PTBP2: variants seen among roughly 807,000 people sequenced by gnomAD.
PTBP2 encodes polypyrimidine tract binding protein 2.
In PTBP2, 13 loss-of-function variants were observed where a neutral mutation model predicts 61.4. That is an observed-to-expected ratio of 0.21 (90% CI 0.14 to 0.34). The LOEUF (loss-of-function observed/expected upper bound fraction) is 0.34. PTBP2 is among the 10% of genes least tolerant of loss of function. PTBP2 has a pLI of 1.00. For missense variants in PTBP2, 405 were observed against 642.6 expected, an observed-to-expected ratio of 0.63 and a Z score of 4.00; for synonymous variants, 215 against 218.5, an observed-to-expected ratio of 0.98 and a Z score of 0.14.
intron 8 of PTBP2, among the ~76,000 whole-genome samples, chr1:96,789,714 A>T (rs760180304): frequency 1.1e-4 from 17 of 152,054 alleles, no homozygotes; most frequent in Non-Finnish European, 2.1e-4. Context: ...GATTTCAGCT[A>T]TTTGCTAATA....
chr1:96,788,567 T>C (rs1232066589), intron 8 of PTBP2, among the ~76,000 whole-genome samples: 1 of 152,048 alleles, frequency 6.6e-6, no homozygotes, highest in Non-Finnish European at 1.5e-5. Context: ...ATTGGTGGGA[T>C]TAACTTCCTG....
chr1:96,800,989 TA>T (rs1660930300), intron 8 of PTBP2, among the ~76,000 whole-genome samples: 1 of 152,282 alleles, frequency 6.6e-6, no homozygotes, highest in African/African-American at 2.4e-5. Flanking sequence ...TAACCATCTT[TA>T]AATTTTTTTG....
chr1:96,783,482 A>G (rs1658913082), intron 7 of PTBP2, among the ~76,000 whole-genome samples: 2 of 152,036 alleles, frequency 1.3e-5, no homozygotes, highest in Admixed American at 6.6e-5. Flanking sequence ...TATTGCTGGG[A>G]AAGAATTCAA....
chr1:96,798,954 C>T (rs1168077933), intron 8 of PTBP2, among the ~76,000 whole-genome samples: 2 of 152,116 alleles, frequency 1.3e-5, no homozygotes, highest in Admixed American at 6.5e-5. Context: ...TTGAAATGAG[C>T]AAGGTTAGGG....
chr1:96,733,114 A>G (rs1651679168), intron 2 of PTBP2, among the ~76,000 whole-genome samples: 1 of 151,724 alleles, frequency 6.6e-6, no homozygotes, highest in Admixed American at 6.6e-5. Context: ...CAGGTGGGCT[A>G]AAATCAAGGT....
downstream of PTBP2, chr1:96,816,687 CTTAA>C (rs1156711113): frequency 1.3e-5 from 2 of 152,192 alleles, no homozygotes; most frequent in Middle Eastern, 3.4e-3. Context: ...TGGTGATTAG[CTTAA>C]TTCATTCATG....
chr1:96,765,051 A>C (rs2100989336), intron 3 of PTBP2, among the ~76,000 whole-genome samples: 1 of 152,246 alleles, frequency 6.6e-6, no homozygotes, highest in East Asian at 1.9e-4. Context: ...TTTTCTCTTT[A>C]ACTCTTCTTT....
At chr1:96,754,205 A>G (rs959671282) in intron 3 of PTBP2, among the ~76,000 whole-genome samples, 5 of 152,144 alleles carry the variant, frequency 3.3e-5, no homozygotes, top group African/African-American at 1.2e-4. Flanking sequence ...AGGGGGAAAA[A>G]AAGCGAATTT....
chr1:96,753,691 A>G (rs924393592), intron 3 of PTBP2, among the ~76,000 whole-genome samples: 12 of 152,176 alleles, frequency 7.9e-5, no homozygotes, highest in African/African-American at 2.9e-4. Flanking sequence ...AAAGGAAAAG[A>G]TTGAAATAAT....
chr1:96,733,485 C>T (rs1053064577), intron 2 of PTBP2, among the ~76,000 whole-genome samples: 3 of 152,054 alleles, frequency 2.0e-5, no homozygotes, highest in Non-Finnish European at 4.4e-5. Context: ...TTGAGACCAG[C>T]CTGGTCCTCA....
downstream of PTBP2, chr1:96,817,559 AAAAT>A (rs772042042): frequency 3.3e-5 from 5 of 152,136 alleles, no homozygotes; most frequent in Non-Finnish European, 5.9e-5. Context: ...AATACGCGGA[AAAAT>A]AAAACCGTAA....
chr1:96,787,714 C>T (rs969750501), intron 8 of PTBP2, among the ~76,000 whole-genome samples: 1 of 152,046 alleles, frequency 6.6e-6, no homozygotes, highest in African/African-American at 2.4e-5. Flanking sequence ...ATTAAAATTG[C>T]TCTGTATTTG....
At chr1:96,774,516 C>T (rs1219624008) in intron 5 of PTBP2, among the ~76,000 whole-genome samples, 3 of 152,304 alleles carry the variant, frequency 2.0e-5, no homozygotes, top group East Asian at 3.9e-4. Context: ...TAATAGAAGA[C>T]ATGCAAATGA....
chr1:96,810,729 TTAA>T (rs767732298), intron 11 of PTBP2, among the ~76,000 whole-genome samples: 16 of 152,238 alleles, frequency 1.1e-4, no homozygotes, highest in Non-Finnish European at 1.8e-4. Context: ...AAACTCACAC[TTAA>T]TAACACATTT....
chr1:96,771,430 T>G (rs12727525), intron 5 of PTBP2: 32 of 151,766 alleles, frequency 2.1e-4, no homozygotes, highest in Middle Eastern at 4.4e-3. Flanking sequence ...TTAAAACTAA[T>G]GATATCTTTC....
intron 2 of PTBP2, among the ~76,000 whole-genome samples, chr1:96,738,746 G>A (rs116091305): frequency 0.01 from 1,528 of 152,196 alleles, 22 homozygotes; most frequent in Middle Eastern, 0.071. Context: ...ATATATGTCG[G>A]TTTAAATACC....
At chr1:96,793,275 A>C (rs561289904) in intron 8 of PTBP2, among the ~76,000 whole-genome samples, 1 of 152,314 alleles carries the variant, frequency 6.6e-6, no homozygotes, top group South Asian at 2.1e-4. Context: ...GAATTTTTAA[A>C]ATGTTAATTT....
intron 2 of PTBP2, among the ~76,000 whole-genome samples, chr1:96,727,152 A>G (rs886301228): frequency 6.6e-6 from 1 of 152,028 alleles, no homozygotes; most frequent in African/African-American, 2.4e-5. Context: ...ATGTAATCAT[A>G]TGGTATGTAC....
At chr1:96,729,837 C>T (rs1247864468) in intron 2 of PTBP2, among the ~76,000 whole-genome samples, 2 of 150,958 alleles carry the variant, frequency 1.3e-5, no homozygotes, top group African/African-American at 2.4e-5. Context: ...CCCGGGTTCA[C>T]GCGGTTCTCC....
Sources: gnomAD v4.1 joint callset for allele counts (sites outside exome capture counted in the v4.1 genomes callset) on GRCh38, gnomAD v4.1.1 for gene constraint, MANE v1.5 for transcripts, NCBI Gene and HGNC (gene_info 2026-07-23, HGNC 2026-07-21) for gene names.